Variants in SYNE1 observed in about 807,000 individuals in gnomAD.
The protein encoded by SYNE1 is spectrin repeat containing nuclear envelope protein 1.
Under a neutral mutation model 1,111.0 loss-of-function variants are expected in SYNE1, and 616 were observed. That is an observed-to-expected ratio of 0.55 (90% CI 0.52 to 0.59). The LOEUF (loss-of-function observed/expected upper bound fraction) is 0.59, where lower values mean the gene tolerates loss of function less well. SYNE1 is among the 20% of genes least tolerant of loss of function. SYNE1 has a pLI of 0.00. For synonymous variants in SYNE1, 3,855 were observed against 3,825.8 expected (o/e 1.01, Z -0.28); for missense variants, 10,006 against 10,417.0 (o/e 0.96, Z 1.72).
chr6:152,636,093 G>C (rs1267472705), intron 2 of SYNE1, among the ~76,000 whole-genome samples: 1 of 152,204 alleles, frequency 6.6e-6, no homozygotes, highest in Admixed American at 6.5e-5. Flanking sequence ...GGAGACGAAA[G>C]TTCTCTTGCC....
intron 4 of SYNE1, among the ~76,000 whole-genome samples, chr6:152,527,578 C>T (rs1257391101): frequency 2.0e-5 from 3 of 152,114 alleles, no homozygotes; most frequent in South Asian, 2.1e-4. Context: ...TAGCCATATA[C>T]GGTCATTAAA....
At chr6:152,306,903 C>CAAAA (rs973985274) in intron 91 of SYNE1, among the ~76,000 whole-genome samples, 5 of 60,548 alleles carry the variant, frequency 8.3e-5, no homozygotes, top group Admixed American at 1.5e-4. Flanking sequence ...GACTGTGTCT[C>CAAAA]AAAAAAAAAA....
rs931969270 is a variant in SYNE1, at chr6:152,433,460, T to G, written c.4461+335A>C. 10 of 335,792 alleles carry G rather than the reference T, an allele frequency of 3.0e-5. No individual in the cohort carries two copies. The East Asian group carries it at 5.6e-4, about 19-fold the overall frequency. 20.8% of individuals were successfully genotyped at this position (335,792 alleles called of 1,614,324 possible). ...TTTAGAGTTGTACAGGATGAATACATTTCATGTTGTATAATGAACCGGCAG... is the reference window on the plus strand; with the variant it reads ...TTTAGAGTTGTACAGGATGAATACAGTTCATGTTGTATAATGAACCGGCAG... On this transcript the variant is annotated intron_variant, in intron 34 of 145. Transcript: ENST00000367255.
At chr6:152,367,587 A>G in intron 61 of SYNE1, 1 of 615,282 alleles carries the variant, frequency 1.6e-6, no homozygotes, top group Non-Finnish European at 2.8e-6. Flanking sequence ...AGCAAAAAAA[A>G]AAGTTACAAT....
At chr6:152,167,932 C>A (rs770843792) in intron 130 of SYNE1, 14 of 771,322 alleles carry the variant, frequency 1.8e-5, no homozygotes, top group Middle Eastern at 2.3e-4. Flanking sequence ...AGTAGAGGTA[C>A]TAGAAAACAA....
intron 29 of SYNE1, among the ~76,000 whole-genome samples, chr6:152,445,768 AT>A (rs1262874993): frequency 6.6e-6 from 1 of 152,114 alleles, no homozygotes; most frequent in African/African-American, 2.4e-5. Context: ...TTCAACATTA[AT>A]TTAAATACTA....
intron 140 of SYNE1, among the ~76,000 whole-genome samples, chr6:152,139,554 G>C (rs973656920): frequency 1.4e-5 from 2 of 140,196 alleles, no homozygotes; most frequent in African/African-American, 2.7e-5. Flanking sequence ...CTGGGCAACG[G>C]AGTGAGACTC....
intron 51 of SYNE1, among the ~76,000 whole-genome samples, chr6:152,392,754 T>C (rs554565887): frequency 6.6e-6 from 1 of 152,274 alleles, no homozygotes; most frequent in East Asian, 1.9e-4. Flanking sequence ...ATCTGTTTGG[T>C]GAGACAAGAA....
At position 152,244,573 on chromosome 6, in the gene SYNE1, G is replaced by C. The variant is rs773211579; in HGVS notation, c.19656C>G (p.Val6552=). The C allele has an allele frequency of 1.2e-6, 2 of 1,613,914 alleles. No homozygotes were observed. The highest frequency in any genetic ancestry group is 1.7e-5 in the Admixed American group (1 of 59,990). The change falls in exon 106 of 146, where the codon GTC becomes GTG. Residue 6552 remains valine, a synonymous_variant. Coordinates refer to ENST00000367255, the MANE Select transcript of SYNE1 (RefSeq NM_182961.4). ...ELKRRGDKLQ[V]EQPSMQELSK... ...AGAGTTCTTGCATGGACGGCTGCTC[G>C]ACCTGTAGCTTGTCACCACGCCTCT...
At chr6:152,162,755 T>C (rs1191017407) in intron 131 of SYNE1, among the ~76,000 whole-genome samples, 3 of 152,204 alleles carry the variant, frequency 2.0e-5, no homozygotes, top group Non-Finnish European at 4.4e-5. Context: ...TAAGAAATGA[T>C]AAATGTTTAA....
rs3839419 is a variant in SYNE1 at position 152,218,437 on chromosome 6, TAAA to T, written c.22045-37_22045-35del. On this transcript the variant is annotated intron_variant, in intron 120 of 145. Transcript: ENST00000367255. ...CCACAAAAGAAATTGGTATTTCAGTTAAAAAAAAAAAAATTGGTATTTTAATAA... is the reference window on the plus strand; with the variant it reads ...CCACAAAAGAAATTGGTATTTCAGTTAAAAAAAAAATTGGTATTTTAATAA... The T allele has an allele frequency of 3.9e-5, 57 of 1,452,326 alleles. No homozygotes were observed. The African/African-American group carries it at 4.1e-4, about 11-fold the overall frequency. 90.0% of individuals were successfully genotyped at this position (1,452,326 alleles called of 1,614,324 possible).
intron 6 of SYNE1, among the ~76,000 whole-genome samples, chr6:152,512,725 C>A (rs2099091261): frequency 6.6e-6 from 1 of 152,106 alleles, no homozygotes; most frequent in Non-Finnish European, 1.5e-5. Flanking sequence ...AAATGTTTTT[C>A]ATGATTATCT....
chr6:152,526,175 G>T lies in SYNE1; in HGVS notation c.130C>A (p.Arg44=). The T allele has an allele frequency of 1.2e-6, 2 of 1,613,886 alleles. No individual in the cohort carries two copies. The highest frequency in any genetic ancestry group is 1.3e-5 in the African/African-American group (1 of 75,044). ...TKWINSHLAK[R]KPPMVVDDLF... Reference sequence around the variant, plus strand: ...TCGTCCACCACCATTGGAGGTTTCCGCTGTAAAAGCAAAGAGGAATAAGTG... The same window carrying T: ...TCGTCCACCACCATTGGAGGTTTCCTCTGTAAAAGCAAAGAGGAATAAGTG... Residue 44 remains arginine (R), a splice_region_variant and synonymous_variant, in exon 5 of 146, where the codon CGG becomes AGG. Coordinates refer to ENST00000367255, the MANE Select transcript of SYNE1 (RefSeq NM_182961.4).
chr6:152,282,136 A>T, intron 96 of SYNE1, 156 bp from the exon 97 acceptor site: 1 of 726,512 alleles, frequency 1.4e-6, no homozygotes, highest in Non-Finnish European at 2.3e-6. Context: ...CCAGAACAAC[A>T]ATCAGAATTT....
At chr6:152,591,102 C>A (rs1454373020) in intron 3 of SYNE1, among the ~76,000 whole-genome samples, 3 of 152,078 alleles carry the variant, frequency 2.0e-5, no homozygotes, top group Admixed American at 6.6e-5. Context: ...GATCTTTAAC[C>A]TCTTTGGGTA....
At chr6:152,125,473 G>C in intron 145 of SYNE1, 2 of 1,281,078 alleles carry the variant, frequency 1.6e-6, no homozygotes, top group Admixed American at 5.6e-5. Context: ...CTGGCCTTCA[G>C]TTTTCTCATT....
chr6:152,504,830 T>G (rs974861832), intron 9 of SYNE1, among the ~76,000 whole-genome samples: 36 of 152,332 alleles, frequency 2.4e-4, no homozygotes, highest in African/African-American at 7.9e-4. Flanking sequence ...TAACAACATT[T>G]CTAAGTATGA....
At chr6:152,440,773 G>C (rs1333303009) in intron 32 of SYNE1, among the ~76,000 whole-genome samples, 3 of 151,814 alleles carry the variant, frequency 2.0e-5, no homozygotes, top group African/African-American at 4.8e-5. Context: ...TCACCATGTT[G>C]GTCAGGATGG....
intron 3 of SYNE1, among the ~76,000 whole-genome samples, chr6:152,585,861 A>G (rs2099536605): frequency 6.6e-6 from 1 of 152,180 alleles, no homozygotes; most frequent in African/African-American, 2.4e-5. Context: ...TTGCAGACAA[A>G]TGTATTTAAA....
Sources: allele counts gnomAD v4.1 joint callset (sites outside exome capture counted in the v4.1 genomes callset), GRCh38; gene constraint gnomAD v4.1.1; transcripts MANE v1.5; gene names NCBI Gene and HGNC (gene_info 2026-07-23, HGNC 2026-07-21).